Variants in EDARADD observed in about 807,000 individuals in gnomAD.
EDARADD encodes the protein EDAR associated via death domain.
In EDARADD, 20 loss-of-function variants were observed where a neutral mutation model predicts 25.6. The ratio of observed to expected loss-of-function variants is 0.78; its 90% confidence interval spans 0.55 to 1.14. The LOEUF (loss-of-function observed/expected upper bound fraction) is 1.14, where lower values mean the gene tolerates loss of function less well. Ranked by LOEUF, EDARADD falls within the 50% of genes most tolerant of loss-of-function variation. EDARADD has a pLI of 0.00. For missense variants in EDARADD, 225 were observed against 270.1 expected (o/e 0.83, Z 1.17); for synonymous variants, 86 against 94.4 (o/e 0.91, Z 0.52).
chr1:236,471,903 G>A (rs1199042072), intron 5 of EDARADD, among the ~76,000 whole-genome samples: 3 of 152,076 alleles, frequency 2.0e-5, no homozygotes, highest in East Asian at 1.9e-4. Context: ...TAATCATGAC[G>A]TTTGTGAATT....
chr1:236,367,480 C>T (rs1181716254), intron 3 of EDARADD, among the ~76,000 whole-genome samples: 2 of 152,106 alleles, frequency 1.3e-5, no homozygotes, highest in Non-Finnish European at 2.9e-5. Context: ...CCGCCCACCT[C>T]AGCCTCCCAA....
upstream of EDARADD, among the ~76,000 whole-genome samples, chr1:236,390,563 A>G (rs1379128973): frequency 6.6e-6 from 1 of 152,208 alleles, no homozygotes; most frequent in African/African-American, 2.4e-5. Context: ...AGAAAAAAAA[A>G]GAACTTACTC....
intron 3 of EDARADD, among the ~76,000 whole-genome samples, chr1:236,418,211 C>T (rs1156359689): frequency 2.6e-5 from 4 of 151,632 alleles, no homozygotes; most frequent in South Asian, 2.1e-4. Context: ...CCTCGGCCTC[C>T]CAAAGTGCTG....
chr1:236,452,586 C>T (rs2103027734), intron 4 of EDARADD, among the ~76,000 whole-genome samples: 1 of 152,270 alleles, frequency 6.6e-6, no homozygotes, highest in Non-Finnish European at 1.5e-5. Context: ...TTCTTGAGGC[C>T]TCCTCAGCCA....
intron 2 of EDARADD, 96 bp downstream of exon 2, chr1:236,409,370 C>A: frequency 3.2e-6 from 3 of 928,308 alleles, no homozygotes; most frequent in South Asian, 1.5e-5. Flanking sequence ...TTTACATGTG[C>A]ATCAGAAACC....
intron 4 of EDARADD, among the ~76,000 whole-genome samples, chr1:236,442,624 G>C (rs564077724): frequency 1.3e-5 from 2 of 152,282 alleles, no homozygotes; most frequent in African/African-American, 4.8e-5. Flanking sequence ...CTCTGTCTGT[G>C]CTGTGCTCTA....
intron 3 of EDARADD, among the ~76,000 whole-genome samples, chr1:236,351,018 A>C (rs911570932): frequency 6.6e-6 from 1 of 152,130 alleles, no homozygotes; most frequent in African/African-American, 2.4e-5. Flanking sequence ...AGGTCCCTGC[A>C]TTCCCAAGTA....
At chr1:236,388,292 AGT>A (rs761433086) in intron 3 of EDARADD, among the ~76,000 whole-genome samples, 5 of 152,066 alleles carry the variant, frequency 3.3e-5, no homozygotes, top group Non-Finnish European at 7.4e-5. Flanking sequence ...ACCAATATTC[AGT>A]GTTTTAACTA....
intron 4 of EDARADD, among the ~76,000 whole-genome samples, chr1:236,454,350 G>C (rs1024621985): frequency 6.6e-6 from 1 of 152,082 alleles, no homozygotes; most frequent in Non-Finnish European, 1.5e-5. Context: ...GCCCGGCCTA[G>C]AGTTTGTATC....
At chr1:236,350,118 CA>C (rs1375214262) in intron 2 of EDARADD, among the ~76,000 whole-genome samples, 1 of 151,938 alleles carries the variant, frequency 6.6e-6, no homozygotes, top group Non-Finnish European at 1.5e-5. Flanking sequence ...AAAACAAAAA[CA>C]AAAAAGAACA....
At chr1:236,432,504 G>C (rs1658122978) in intron 4 of EDARADD, among the ~76,000 whole-genome samples, 2 of 152,172 alleles carry the variant, frequency 1.3e-5, no homozygotes, top group African/African-American at 2.4e-5. Context: ...TACTAAGTTG[G>C]AGTTAGAAGT....
At chr1:236,355,626 C>T (rs1313984938) in intron 3 of EDARADD, among the ~76,000 whole-genome samples, 1 of 148,958 alleles carries the variant, frequency 6.7e-6, no homozygotes, top group Non-Finnish European at 1.5e-5. Context: ...TCTTGTGACT[C>T]AGCCTCCCAA....
intron 4 of EDARADD, among the ~76,000 whole-genome samples, chr1:236,447,174 T>TTC (rs1367518631): frequency 2.7e-5 from 2 of 74,514 alleles, no homozygotes; most frequent in African/African-American, 1.7e-4. Context: ...CCCTCCCTCT[T>TTC]TCTTTCTTTC....
chr1:236,422,175 C>T (rs1657799858), intron 3 of EDARADD, among the ~76,000 whole-genome samples: 1 of 152,168 alleles, frequency 6.6e-6, no homozygotes, highest in South Asian at 2.1e-4. Context: ...TTATGCCTCT[C>T]AATCGAACCT....
intron 2 of EDARADD, among the ~76,000 whole-genome samples, chr1:236,411,472 AGGG>A (rs1203129886): frequency 6.6e-6 from 1 of 151,646 alleles, no homozygotes; most frequent in Non-Finnish European, 1.5e-5. Context: ...ATCTTCTCCC[AGGG>A]TGTTTGTGTC....
chr1:236,395,564 G>T lies in EDARADD; in HGVS notation c.61+1059G>T. On this transcript the variant is annotated intron_variant, in intron 1 of 5. Transcript: ENST00000334232. This position sits in a 1 kb window ranked among gnomAD's most constrained non-coding sequence, Gnocchi z 6.9. Reference sequence around the variant, plus strand: ...GGACTTTTCATCCCCGTGGTCCCACGGTCCTCCCGCGCCCCGGAGGCCTGC... The same window carrying T: ...GGACTTTTCATCCCCGTGGTCCCACTGTCCTCCCGCGCCCCGGAGGCCTGC... 6.5e-7 allele frequency: 1 copy of T among 1,542,650 alleles called. No individual in the cohort carries two copies. The highest frequency in any genetic ancestry group is 1.4e-5 in the African/African-American group (1 of 73,148).
At chr1:236,373,787 T>C (rs895048954) in intron 3 of EDARADD, among the ~76,000 whole-genome samples, 6 of 152,222 alleles carry the variant, frequency 3.9e-5, no homozygotes, top group Admixed American at 3.3e-4. Flanking sequence ...TTCTAATATA[T>C]ACATTCAAAC....
rs1457365995 is a variant in EDARADD, at chr1:236,409,242, G to T, written c.88G>T (p.Asp30Tyr). Residue 30 changes from aspartate (D) to tyrosine (Y), a missense_variant, in exon 2 of 6, where the codon GAC becomes TAC. By Grantham distance (160) the Asp-to-Tyr change is radical (BLOSUM62 -3). Transcript: ENST00000334232. ...TCATATGGTAAAGGAACCAGTGGAAGACACAGACCCTAGCACTTTATCCTT... is the reference window on the plus strand; with the variant it reads ...TCATATGGTAAAGGAACCAGTGGAATACACAGACCCTAGCACTTTATCCTT... The part of the protein sequence containing the change: ...EDHMVKEPVE[D>Y]TDPSTLSFNM... The T allele has an allele frequency of 6.2e-7, 1 of 1,613,278 alleles. No individual in the cohort carries two copies. Among genetic ancestry groups the T allele is most frequent in the South Asian group, 1.1e-5 (1 of 90,954 alleles).
At chr1:236,409,331 T>A in intron 2 of EDARADD, 57 bp downstream of exon 2, 1 of 1,418,978 alleles carries the variant, frequency 7.0e-7, no homozygotes, top group Middle Eastern at 1.9e-4. Context: ...TTTTTCTTTG[T>A]TATTTCTTTA....
Sources: gnomAD v4.1 joint callset for allele counts (sites outside exome capture counted in the v4.1 genomes callset) on GRCh38, gnomAD v4.1.1 for gene constraint, Gnocchi (gnomAD v3.1) non-coding constraint, MANE v1.5 for transcripts, NCBI Gene and HGNC (gene_info 2026-07-23, HGNC 2026-07-21) for gene names.